Variants in GALNT14 observed in about 807,000 individuals in gnomAD.
GALNT14 encodes the protein UDP-GalNAc:polypeptide N-acetylgalactosaminyltransferase 14.
Under a neutral mutation model 77.5 loss-of-function variants are expected in GALNT14, and 60 were observed. That is an observed-to-expected ratio of 0.77 (90% CI 0.63 to 0.96). The LOEUF (loss-of-function observed/expected upper bound fraction) is 0.96. Ranked by LOEUF, GALNT14 falls within the 40% of genes least tolerant of loss-of-function variation. GALNT14 has a pLI of 0.00. For synonymous variants in GALNT14, 280 were observed against 281.7 expected (o/e 0.99, Z 0.06); for missense variants, 710 against 731.0 (o/e 0.97, Z 0.33).
intron 1 of GALNT14, among the ~76,000 whole-genome samples, chr2:31,000,435 C>G (rs1670294807): frequency 6.9e-6 from 1 of 145,974 alleles, no homozygotes; most frequent in Non-Finnish European, 1.5e-5. Flanking sequence ...ATATCACCAA[C>G]TGTGTGTGTG....
In GALNT14 at chr2:30,910,957, C is replaced by A. The variant is rs202186542; in HGVS notation, c.1603G>T (p.Val535Phe). Residue 535 changes from valine to phenylalanine, a missense_variant, in exon 15 of 15, where the codon GTC becomes TTC. Val to Phe is a conservative substitution (Grantham distance 50). Coordinates refer to ENST00000349752, the MANE Select transcript of GALNT14 (RefSeq NM_024572.4). ...ATGAGTGAGGACTCACATGGGTTGA[C>A]GACGATTTCCTTGCCGTTCTCGGTG... ...DGTENGKEIV[V>F]NPCESSLMSQ... The A allele has an allele frequency of 1.6e-5, 26 of 1,613,762 alleles. No homozygotes were observed. Among genetic ancestry groups the A allele is most frequent in the Non-Finnish European group, 2.0e-5 (24 of 1,180,000 alleles).
intron 1 of GALNT14, among the ~76,000 whole-genome samples, chr2:31,038,082 ATATTTTTTTTTTTT>A (rs1328685416): frequency 5.7e-5 from 4 of 70,174 alleles, no homozygotes; most frequent in African/African-American, 2.5e-4. Context: ...ATATATATAT[ATATTTTTTTTTTTT>A]TTTTTTTTTT....
chr2:30,994,067 A>T lies in GALNT14; in HGVS notation c.130-1060T>A, dbSNP rs572168931. Among the ~76,000 whole-genome samples the T allele has an allele frequency of 2.6e-5, 4 of 152,368 alleles. No homozygotes were observed. The South Asian group carries it at 8.3e-4, about 32-fold the overall frequency. ...GGAGGAGCTGGTCTGTATCTAAAAC[A>T]GCTCAGAACTTTCAAGTTCATAAAA... On this transcript the variant is annotated intron_variant, in intron 1 of 14. Coordinates refer to ENST00000349752, the MANE Select transcript of GALNT14 (RefSeq NM_024572.4).
chr2:31,088,196 G>T (rs1426057512), intron 1 of GALNT14, among the ~76,000 whole-genome samples: 1 of 152,238 alleles, frequency 6.6e-6, no homozygotes, highest in African/African-American at 2.4e-5. Flanking sequence ...GGGATGAAGA[G>T]AGATTGAAGG....
chr2:31,135,374 T>C (rs1679179116), intron 1 of GALNT14, among the ~76,000 whole-genome samples: 1 of 152,180 alleles, frequency 6.6e-6, no homozygotes, highest in African/African-American at 2.4e-5. Flanking sequence ...AATTTGGACT[T>C]GTCATACAAA....
intron 2 of GALNT14, among the ~76,000 whole-genome samples, chr2:30,983,698 A>C (rs1267325307): frequency 2.0e-5 from 3 of 150,172 alleles, no homozygotes; most frequent in African/African-American, 7.3e-5. Flanking sequence ...CAAAGCTAAA[A>C]TATAATAATC....
At chr2:31,056,712 A>G (rs1674230393) in intron 1 of GALNT14, among the ~76,000 whole-genome samples, 1 of 152,238 alleles carries the variant, frequency 6.6e-6, no homozygotes, top group Admixed American at 6.5e-5. Flanking sequence ...GTATTTCAAA[A>G]TATTTTTTAA....
At chr2:31,086,673 T>G (rs1359409154) in intron 1 of GALNT14, among the ~76,000 whole-genome samples, 1 of 152,222 alleles carries the variant, frequency 6.6e-6, no homozygotes, top group Non-Finnish European at 1.5e-5. Context: ...TATATTTTAT[T>G]TATTACAACC....
At chr2:30,896,508 G>C in the GALNT14 span, among the ~76,000 whole-genome samples, 3 of 152,180 alleles carry the variant, frequency 2.0e-5, no homozygotes, top group Non-Finnish European at 4.4e-5. Flanking sequence ...CTAAGATGGA[G>C]ACAATAAGAG....
Position 30,924,773 on chromosome 2 carries a change from T to G in GALNT14, c.1202A>C (p.Lys401Thr), listed in dbSNP as rs756391781. 5 of 1,614,028 alleles carry G rather than the reference T, an allele frequency of 3.1e-6. No homozygotes were observed. Among genetic ancestry groups the G allele is most frequent in the Non-Finnish European group, 4.2e-6 (5 of 1,180,022 alleles). ...LRKNLRCQSF[K>T]WYLENIYPEL... ...AGGGTAGATATTCTCCAGGTACCACTTGAAGCTCTGGCAGCGCAGATTCTT... is the reference window on the plus strand; with the variant it reads ...AGGGTAGATATTCTCCAGGTACCACGTGAAGCTCTGGCAGCGCAGATTCTT... Residue 401 changes from lysine to threonine, a missense_variant, in exon 12 of 15, where the codon AAG becomes ACG. Physicochemically the swap from Lys to Thr is moderately conservative, Grantham distance 78. Coordinates refer to ENST00000349752, the MANE Select transcript of GALNT14 (RefSeq NM_024572.4).
intron 1 of GALNT14, among the ~76,000 whole-genome samples, chr2:31,024,300 G>A (rs970902544): frequency 1.2e-4 from 19 of 152,116 alleles, no homozygotes; most frequent in Admixed American, 1.1e-3. Flanking sequence ...AAGAGTACAA[G>A]TCAGATCACA....
chr2:31,009,418 A>G (rs8179780), intron 1 of GALNT14, among the ~76,000 whole-genome samples: 35,915 of 151,824 alleles, frequency 0.24, 4,503 homozygotes, highest in East Asian at 0.4. Flanking sequence ...CCTTCCCCTG[A>G]TTTCTCATTG....
rs1450086739 is a variant in GALNT14 at position 31,042,145 on chromosome 2, A to G, written c.130-49138T>C. On this transcript the variant is annotated intron_variant, in intron 1 of 14. Coordinates refer to ENST00000349752, the MANE Select transcript of GALNT14 (RefSeq NM_024572.4). ...TTTCAAAACTGATAAATTAGTGGAG[A>G]TCCATAGTCATCCAGCAAAAGGATT... Among the ~76,000 whole-genome samples the G allele has an allele frequency of 3.3e-5, 5 of 152,162 alleles. No homozygotes were observed. The East Asian group carries it at 9.6e-4, about 29-fold the overall frequency.
chr2:31,124,901 G>A (rs987721820), intron 1 of GALNT14, among the ~76,000 whole-genome samples: 13 of 151,306 alleles, frequency 8.6e-5, no homozygotes, highest in African/African-American at 2.5e-4. Context: ...TTCTTTCTAC[G>A]TGGACTCCTG....
chr2:30,942,424 G>T, intron 8 of GALNT14, 120 bp from the exon 9 acceptor site: 1 of 685,870 alleles, frequency 1.5e-6, no homozygotes, highest in Non-Finnish European at 2.5e-6. Context: ...ACCCCATTGA[G>T]GGAAGAAAAC....
At chr2:31,020,790 T>A (rs1451649206) in intron 1 of GALNT14, among the ~76,000 whole-genome samples, 1 of 152,244 alleles carries the variant, frequency 6.6e-6, no homozygotes, top group African/African-American at 2.4e-5. Context: ...TCATGAAGGC[T>A]GCATCTAGCT....
At chr2:31,062,938 C>CTCCCTGGTA (rs1674696780) in intron 1 of GALNT14, among the ~76,000 whole-genome samples, 2 of 151,990 alleles carry the variant, frequency 1.3e-5, no homozygotes, top group Non-Finnish European at 2.9e-5. Context: ...AATTTGCTTA[C>CTCCCTGGTA]GTTCCTTGTA....
At chr2:31,025,519 G>C (rs968460028) in intron 1 of GALNT14, among the ~76,000 whole-genome samples, 1 of 152,194 alleles carries the variant, frequency 6.6e-6, no homozygotes, top group Non-Finnish European at 1.5e-5. Context: ...AGAATGACAA[G>C]ACAGGGCTGG....
At chr2:30,976,548 C>A (rs12614612) in intron 2 of GALNT14, among the ~76,000 whole-genome samples, 3,582 of 152,064 alleles carry the variant, frequency 0.024, 145 homozygotes, top group East Asian at 0.21. Flanking sequence ...GGGACACTGG[C>A]AGGACCTGTG....
Sources: gnomAD v4.1 joint callset for allele counts (sites outside exome capture counted in the v4.1 genomes callset) on GRCh38, gnomAD v4.1.1 for gene constraint, MANE v1.5 for transcripts, NCBI Gene and HGNC (gene_info 2026-07-23, HGNC 2026-07-21) for gene names.